Variants in DMRTC2 observed in about 807,000 individuals in gnomAD.
DMRTC2 encodes DMRT like family C2.
A neutral mutation model predicts 39.9 loss-of-function variants in DMRTC2; 13 were observed. That is an observed-to-expected ratio of 0.33 (90% confidence interval 0.21 to 0.52). The LOEUF (loss-of-function observed/expected upper bound fraction) is 0.52, where lower values mean the gene tolerates loss of function less well. Among genes scored for constraint, DMRTC2 ranks in the 20% least tolerant of loss-of-function variants. The pLI is 0.96. For missense variants in DMRTC2, 431 were observed against 472.8 expected (o/e 0.91, Z 0.82); for synonymous variants, 189 against 185.2 (o/e 1.02, Z -0.17).
chr19:41,851,162 A>ATC (rs1555837308), intron 8 of DMRTC2: 1 of 199,956 alleles, frequency 5.0e-6, no homozygotes, highest in Non-Finnish European at 1.0e-5. Flanking sequence ...AGAGTGAGAA[A>ATC]CACCTAGGGG....
chr19:41,847,268 C>T, intron 1 of DMRTC2, 157 bp from the exon 2 acceptor site: 1 of 983,944 alleles, frequency 1.0e-6, no homozygotes, highest in South Asian at 4.7e-5. Flanking sequence ...TGAGAAATGT[C>T]ATGGGGTAAA....
rs1555836626 is a variant in DMRTC2 at position 41,848,820 on chromosome 19, G to A, written c.473G>A (p.Ser158Asn). ...GKNSCGPLLL[S>N]HPPEASPLSW... ...AACTCCTGTGGGCCTCTGCTGCTCAGCCATCCCCCGGAAGCCTCGCCCTTG... is the reference window on the plus strand; with the variant it reads ...AACTCCTGTGGGCCTCTGCTGCTCAACCATCCCCCGGAAGCCTCGCCCTTG... The change falls in exon 5 of 9, where the codon AGC becomes AAC. Residue 158 changes from serine to asparagine, a missense_variant. Transcript: ENST00000269945. 2 of 1,609,582 alleles carry A rather than the reference G, an allele frequency of 1.2e-6. No individual in the cohort carries two copies. Among genetic ancestry groups the A allele is most frequent in the East Asian group, 4.5e-5 (2 of 44,876 alleles).
Position 41,847,820 on chromosome 19 carries a change from G to T in DMRTC2, c.309G>T (p.Gly103=). Residue 103 remains glycine (G), a synonymous_variant, in exon 3 of 9, where the codon GGG becomes GGT. Coordinates refer to ENST00000269945, the MANE Select transcript of DMRTC2 (RefSeq NM_001040283.3). ...AQLKKHLMRR[G]EASPKAPNHF... ...TAAAGAAGCACCTGATGAGGAGAGG[G>T]GAAGCCTCTCCCAAAGCTCCCAACC... is the stretch of plus-strand genomic sequence containing the variant. 2 of 1,602,472 alleles carry T rather than the reference G, an allele frequency of 1.2e-6. No homozygotes were observed. The highest frequency in any genetic ancestry group is 1.7e-6 in the Non-Finnish European group (2 of 1,174,550).
intron 3 of DMRTC2, 46 bp from the exon 4 acceptor site, chr19:41,848,406 G>C: frequency 6.6e-7 from 1 of 1,518,000 alleles, no homozygotes; most frequent in Non-Finnish European, 8.9e-7. Flanking sequence ...GGTAGGATAG[G>C]GGTCAGGAGA....
intron 1 of DMRTC2, among the ~76,000 whole-genome samples, chr19:41,846,184 A>G (rs553473670): frequency 2.6e-4 from 39 of 152,268 alleles, no homozygotes; most frequent in Admixed American, 2.4e-3. Context: ...TTGAACTAAG[A>G]ATTGAAAGGG....
chr19:41,847,387 C>G (rs782388845), intron 1 of DMRTC2, 38 bp from the exon 2 acceptor site: 26 of 1,510,420 alleles, frequency 1.7e-5, no homozygotes, highest in Admixed American at 1.3e-4. Flanking sequence ...TAGGGGCAGG[C>G]CCACCTGGCT....
chr19:41,848,585 C>T, intron 4 of DMRTC2, 57 bp downstream of exon 4: 2 of 1,401,728 alleles, frequency 1.4e-6, no homozygotes, highest in Non-Finnish European at 2.0e-6. Context: ...TACCCAGACC[C>T]TTTCTTCTGT....
rs1555836252 is a variant in DMRTC2 at position 41,847,516 on chromosome 19, C to A, written c.88C>A (p.Leu30Met). The part of the protein sequence containing the change: ...DETRDPQSTE[L>M]IPRRAISRSP... Reference sequence around the variant, plus strand: ...GACCAGAGACCCCCAGAGCACAGAGCTGATCCCCAGGAGAGCCATCAGCCG... The same window carrying A: ...GACCAGAGACCCCCAGAGCACAGAGATGATCCCCAGGAGAGCCATCAGCCG... The change falls in exon 2 of 9, where the codon CTG (leucine) becomes ATG (methionine). Residue 30 changes from leucine to methionine, a missense_variant. Physicochemically the swap from Leu to Met is conservative, Grantham distance 15. Transcript: ENST00000269945. 1 of 1,614,136 alleles carries A rather than the reference C, an allele frequency of 6.2e-7. No individual in the cohort carries two copies. Among genetic ancestry groups the A allele is most frequent in the African/African-American group, 1.3e-5 (1 of 75,068 alleles).
intron 4 of DMRTC2, 72 bp from the exon 5 acceptor site, chr19:41,848,723 C>G: frequency 6.2e-7 from 1 of 1,603,212 alleles, no homozygotes; most frequent in East Asian, 2.2e-5. Flanking sequence ...GGGTTCTGCC[C>G]GTATCCCAGA....
At chr19:41,847,072 C>G (rs1323932856) in intron 1 of DMRTC2, among the ~76,000 whole-genome samples, 8 of 150,944 alleles carry the variant, frequency 5.3e-5, no homozygotes, top group African/African-American at 1.9e-4. Flanking sequence ...GTAATCCCAG[C>G]TACTCAGGAG....
In DMRTC2 at chr19:41,847,918, G is replaced by A. The variant is rs1170797935; in HGVS notation, c.370+37G>A. The A allele has an allele frequency of 3.9e-6, 6 of 1,552,092 alleles. No individual in the cohort carries two copies. The East Asian group carries it at 1.4e-4, about 37-fold the overall frequency. ...TGACCAGCGATGGGGCAGGAGTTTG[G>A]GTACAGGAGGCAGGTATGGGAAAAA... On this transcript the variant is annotated intron_variant, in intron 3 of 8. Coordinates refer to ENST00000269945, the MANE Select transcript of DMRTC2 (RefSeq NM_001040283.3).
intron 3 of DMRTC2, 91 bp from the exon 4 acceptor site, chr19:41,848,361 G>C (rs2073898671): frequency 9.0e-7 from 1 of 1,114,746 alleles, no homozygotes; most frequent in Non-Finnish European, 1.3e-6. Flanking sequence ...AAAAAAATGA[G>C]CTAGATGGGG....
Position 41,850,708 on chromosome 19 carries a change from A to G in DMRTC2, c.991+8A>G, listed in dbSNP as rs781931024. 2.6e-6 allele frequency: 4 copies of G among 1,559,316 alleles called. No homozygotes were observed. The African/African-American group carries it at 5.5e-5, about 22-fold the overall frequency. ...ACCCCTGTGGCCCACCAGGTGGGCC[A>G]TGAAAGGAGAGGATGGATAGGGATG... On this transcript the variant is annotated splice_region_variant and intron_variant, in intron 8 of 8. Transcript: ENST00000269945.
intron 8 of DMRTC2, chr19:41,851,115 T>A (rs1401598678): frequency 4.8e-6 from 1 of 209,002 alleles, no homozygotes; most frequent in Non-Finnish European, 9.4e-6. Flanking sequence ...TTCACAAGGC[T>A]CAGTGACAAA....
chr19:41,850,440 A>G (rs376443388), intron 7 of DMRTC2, 68 bp downstream of exon 7: 754 of 1,570,650 alleles, frequency 4.8e-4, no homozygotes, highest in Non-Finnish European at 5.9e-4. Context: ...AAAAGCAGGA[A>G]ACTGAAGGAA....
chr19:41,846,753 G>A (rs1555835981), intron 1 of DMRTC2, among the ~76,000 whole-genome samples: 1 of 151,832 alleles, frequency 6.6e-6, no homozygotes, highest in East Asian at 2.0e-4. Context: ...ATTTTTAGTA[G>A]AGACAGGGTT....
chr19:41,852,304 C>A lies in DMRTC2; in HGVS notation c.*608C>A, dbSNP rs538278343. The A allele has an allele frequency of 6.6e-6, 1 of 151,828 alleles. No homozygotes were observed. The highest frequency in any genetic ancestry group is 1.9e-4 in the East Asian group (1 of 5,178). The allele number at this position is 151,828 out of a possible 1,614,324, so 9.4% of individuals were successfully genotyped here. A position where few individuals can be genotyped will look rare whatever the true frequency, so the allele number is the denominator to read the frequency against. ...ACAAACTTGGATTTTTTTCTTTGTC[C>A]AAATAAAAAAAAATGATGTAAAGAA... On this transcript the variant is annotated 3_prime_UTR_variant, in exon 9 of 9. Coordinates refer to ENST00000269945, the MANE Select transcript of DMRTC2 (RefSeq NM_001040283.3).
In DMRTC2 at chr19:41,845,076, T is replaced by A. The variant is rs1167709129; in HGVS notation, c.-30T>A. On this transcript the variant is annotated 5_prime_UTR_variant, in exon 1 of 9. Transcript: ENST00000269945. ...CAGTGTCTTTGGGCGTCTTCTTGAC[T>A]GAATCTGACTCCATTGGAGGCTGTG... 2 of 152,256 alleles carry A rather than the reference T, an allele frequency of 1.3e-5. No homozygotes were observed. Among genetic ancestry groups the A allele is most frequent in the Admixed American group, 1.3e-4 (2 of 15,288 alleles). The allele number at this position is 152,256 out of a possible 1,614,324, so 9.4% of individuals were successfully genotyped here. A position where few individuals can be genotyped will look rare whatever the true frequency, so the allele number is the denominator to read the frequency against.
intron 6 of DMRTC2, 127 bp from the exon 7 acceptor site, chr19:41,850,185 C>T: frequency 2.7e-6 from 2 of 733,002 alleles, no homozygotes; most frequent in Non-Finnish European, 4.1e-6. Flanking sequence ...AGTCAAGACA[C>T]AGCTTAATGG....
Sources: gnomAD v4.1 joint callset for allele counts (sites outside exome capture counted in the v4.1 genomes callset) on GRCh38, gnomAD v4.1.1 for gene constraint, MANE v1.5 for transcripts, NCBI Gene and HGNC (gene_info 2026-07-23, HGNC 2026-07-21) for gene names.